Variants in SBF2 observed in about 807,000 individuals in gnomAD.
The protein encoded by SBF2 is myotubularin-related protein 13.
In SBF2, 112 loss-of-function variants were observed where a neutral mutation model predicts 225.2. The ratio of observed to expected loss-of-function variants is 0.50; its 90% CI spans 0.43 to 0.58. The LOEUF (loss-of-function observed/expected upper bound fraction) is 0.58. Ranked by LOEUF, SBF2 falls within the 20% of genes least tolerant of loss-of-function variation. The probability of loss-of-function intolerance (pLI) is 0.00; values close to 1 mark genes in which losing one functional copy is unlikely to be tolerated. For synonymous variants in SBF2, 763 were observed against 773.3 expected (o/e 0.99, Z 0.22); for missense variants, 1,996 against 2,206.2 (o/e 0.90, Z 1.91).
At chr11:10,214,046 C>T (rs1003458969) in intron 1 of SBF2, among the ~76,000 whole-genome samples, 1 of 152,162 alleles carries the variant, frequency 6.6e-6, no homozygotes, top group African/African-American at 2.4e-5. Context: ...TAACTTCAGC[C>T]AAGATTTAAA....
chr11:10,281,890 C>T (rs1398702397), intron 1 of SBF2, among the ~76,000 whole-genome samples: 1 of 152,144 alleles, frequency 6.6e-6, no homozygotes, highest in Non-Finnish European at 1.5e-5. Context: ...ACCCCCAGAC[C>T]TCCAGGTCTG....
intron 9 of SBF2, among the ~76,000 whole-genome samples, chr11:9,995,300 T>TATA (rs1319363508): frequency 5.9e-5 from 9 of 152,256 alleles, no homozygotes; most frequent in African/African-American, 2.2e-4. Flanking sequence ...GAAGATGAAA[T>TATA]TATATCAGTA....
chr11:10,259,646 C>T (rs933714746), intron 1 of SBF2, among the ~76,000 whole-genome samples: 1 of 152,064 alleles, frequency 6.6e-6, no homozygotes, highest in Non-Finnish European at 1.5e-5. Flanking sequence ...TATGTTTGAT[C>T]TTAACAAAAT....
Position 10,253,476 on chromosome 11 carries a change from T to A in SBF2, c.55+40539A>T, listed in dbSNP as rs1048547656. On this transcript the variant is annotated intron_variant, in intron 1 of 39. Transcript: ENST00000256190. ...TTTAACTGCTTGGAAACGCTTTTCTTAATTTCTTTTTGTTCCTGGATATAT... is the reference window on the plus strand; with the variant it reads ...TTTAACTGCTTGGAAACGCTTTTCTAAATTTCTTTTTGTTCCTGGATATAT... Among the ~76,000 whole-genome samples, 5 of 152,282 alleles carry A rather than the reference T, an allele frequency of 3.3e-5. No individual in the cohort carries two copies. The South Asian group carries it at 8.3e-4, about 25-fold the overall frequency.
chr11:10,023,652 T>C (rs1277129320), intron 6 of SBF2, among the ~76,000 whole-genome samples: 1 of 152,228 alleles, frequency 6.6e-6, no homozygotes, highest in Non-Finnish European at 1.5e-5. Flanking sequence ...TGGTTTCTTT[T>C]ACTTAGCATG....
At chr11:10,011,407 C>T (rs1297352382) in intron 6 of SBF2, among the ~76,000 whole-genome samples, 1 of 152,032 alleles carries the variant, frequency 6.6e-6, no homozygotes, top group Non-Finnish European at 1.5e-5. Flanking sequence ...TTGTATTTCT[C>T]TGTAAACATG....
rs556588472 is a variant in SBF2, at chr11:9,946,584, G to A, written c.1860+15373C>T. Reference sequence around the variant, plus strand: ...TCCTGCTTCAGCCTCCCGAGTAGCTGGGATTACAGGCATGCGCCACCATGC... The same window carrying A: ...TCCTGCTTCAGCCTCCCGAGTAGCTAGGATTACAGGCATGCGCCACCATGC... On this transcript the variant is annotated intron_variant, in intron 16 of 39. Coordinates refer to ENST00000256190, the MANE Select transcript of SBF2 (RefSeq NM_030962.4). Among the ~76,000 whole-genome samples, 16 of 151,908 alleles carry A rather than the reference G, an allele frequency of 1.1e-4. No individual in the cohort carries two copies. In the South Asian group the frequency reaches 2.9e-3, roughly 28 times the overall value.
chr11:10,264,667 G>A (rs897814344), intron 1 of SBF2, among the ~76,000 whole-genome samples: 1 of 151,900 alleles, frequency 6.6e-6, no homozygotes, highest in African/African-American at 2.4e-5. Flanking sequence ...TACATGCTAC[G>A]ATGGTTTGCT....
chr11:9,913,057 G>A (rs1862774185), intron 16 of SBF2, among the ~76,000 whole-genome samples: 1 of 152,162 alleles, frequency 6.6e-6, no homozygotes, highest in Admixed American at 6.5e-5. Context: ...GCTGACAGGG[G>A]TTGATGGCTT....
chr11:9,935,270 AG>A (rs1405969147), intron 16 of SBF2, among the ~76,000 whole-genome samples: 1 of 152,156 alleles, frequency 6.6e-6, no homozygotes, highest in Non-Finnish European at 1.5e-5. Flanking sequence ...CCTCTTCAAG[AG>A]GAACTAGAAA....
At chr11:9,808,482 A>G in intron 31 of SBF2, 1 of 483,138 alleles carries the variant, frequency 2.1e-6, no homozygotes, top group South Asian at 2.1e-5. Flanking sequence ...CCAGAGGATC[A>G]GTTAAAATCA....
chr11:9,839,499 T>A lies in SBF2; in HGVS notation c.3454A>T (p.Ser1152Cys). 1 of 1,614,066 alleles carries A rather than the reference T, an allele frequency of 6.2e-7. No homozygotes were observed. The highest frequency in any genetic ancestry group is 8.5e-7 in the Non-Finnish European group (1 of 1,179,940). ...TTTGGAGCCCACTGACACACTTACC[T>A]CCGGCAGAGTGAATACATCCTGTTG... Reference protein sequence around the residue: ...ASNRMYSLCRSYPGLLVVPQA... With the variant: ...ASNRMYSLCRCYPGLLVVPQA... The change falls in exon 26 of 40, where the codon AGC (serine) becomes TGC (cysteine). Residue 1152 changes from serine to cysteine, a missense_variant and splice_region_variant. Coordinates refer to ENST00000256190, the MANE Select transcript of SBF2 (RefSeq NM_030962.4).
intron 32 of SBF2, among the ~76,000 whole-genome samples, chr11:9,799,022 A>G (rs1021087523): frequency 2.0e-5 from 3 of 152,100 alleles, no homozygotes; most frequent in African/African-American, 7.2e-5. Flanking sequence ...ATTTCTCTCA[A>G]TGACTATTCT....
At chr11:10,199,598 T>C (rs1013710985) in intron 1 of SBF2, among the ~76,000 whole-genome samples, 1 of 152,194 alleles carries the variant, frequency 6.6e-6, no homozygotes, top group African/African-American at 2.4e-5. Flanking sequence ...CCAAAGTATG[T>C]CTGTCTATAA....
intron 1 of SBF2, among the ~76,000 whole-genome samples, chr11:10,242,688 G>A (rs1277993094): frequency 6.6e-6 from 1 of 152,090 alleles, no homozygotes; most frequent in East Asian, 1.9e-4. Flanking sequence ...GAGCAAGGGT[G>A]ACTGTAGTTA....
chr11:10,171,859 T>C (rs994314360), intron 2 of SBF2, among the ~76,000 whole-genome samples: 6 of 152,212 alleles, frequency 3.9e-5, no homozygotes, highest in Non-Finnish European at 7.3e-5. Context: ...GATTTCTTCA[T>C]TGTTCAATCT....
At chr11:10,260,222 A>G (rs972980033) in intron 1 of SBF2, among the ~76,000 whole-genome samples, 1 of 152,252 alleles carries the variant, frequency 6.6e-6, no homozygotes, top group South Asian at 2.1e-4. Context: ...TTGTATTTCA[A>G]TAAGACTATT....
chr11:10,227,150 T>A lies in SBF2; in HGVS notation c.56-33163A>T, dbSNP rs529336719. On this transcript the variant is annotated intron_variant, in intron 1 of 39. Transcript: ENST00000256190. ...TTTGAGAAGTGTCTGTTCATATCCTTTGCCCGCTTTTTGATGGGGTTGTTT... is the reference window on the plus strand; with the variant it reads ...TTTGAGAAGTGTCTGTTCATATCCTATGCCCGCTTTTTGATGGGGTTGTTT... Among the ~76,000 whole-genome samples the A allele has an allele frequency of 4.0e-3, 607 of 152,312 alleles. 3 individuals carry two copies. The highest frequency in any genetic ancestry group is 0.027 in the Middle Eastern group (8 of 294).
At chr11:10,144,978 C>T (rs1046837684) in intron 2 of SBF2, among the ~76,000 whole-genome samples, 7 of 152,196 alleles carry the variant, frequency 4.6e-5, no homozygotes, top group Non-Finnish European at 8.8e-5. Flanking sequence ...ACTTACATTC[C>T]ACTTACTGTT....
Sources: allele counts gnomAD v4.1 joint callset (sites outside exome capture counted in the v4.1 genomes callset), GRCh38; gene constraint gnomAD v4.1.1; transcripts MANE v1.5; gene names NCBI Gene and HGNC (gene_info 2026-07-23, HGNC 2026-07-21).